ZNF750: variants seen among roughly 807,000 people sequenced by gnomAD.
ZNF750 encodes protein ZNF750.
In ZNF750, 10 loss-of-function variants were observed where a neutral mutation model predicts 31.6. The observed-to-expected ratio is 0.32, with a 90% CI of 0.19 to 0.54. ZNF750 has a LOEUF of 0.54. ZNF750 is among the 20% of genes least tolerant of loss of function. ZNF750 has a pLI of 0.95. For missense variants in ZNF750, 914 were observed against 934.9 expected (o/e 0.98, Z 0.29); for synonymous variants, 400 against 404.9 (o/e 0.99, Z 0.15).
Position 82,831,462 on chromosome 17 carries a change from A to T in ZNF750, c.993T>A (p.Tyr331Ter). The T allele has an allele frequency of 6.2e-7, 1 of 1,614,146 alleles. No individual in the cohort carries two copies. The highest frequency in any genetic ancestry group is 8.5e-7 in the Non-Finnish European group (1 of 1,180,020). Residue 331 changes from tyrosine (Y) to a stop codon, truncating the protein, a stop_gained, in exon 2 of 3, where the codon TAT becomes TAA. Coordinates refer to ENST00000269394, the MANE Select transcript of ZNF750 (RefSeq NM_024702.3). LOFTEE classifies it high-confidence loss of function. This position sits in a 1 kb window ranked among gnomAD's most constrained non-coding sequence, Gnocchi z 4.6. Reference sequence around the variant, plus strand: ...CAGTGACAGGTGGGAGTCTGAGACCATAGGAGGAAAATGCAGACTCTGGCC... The same window carrying T: ...CAGTGACAGGTGGGAGTCTGAGACCTTAGGAGGAAAATGCAGACTCTGGCC... ...FYRPESAFSSYGLRLPPVTGL... is the reference protein window; with the variant it reads ...FYRPESAFSS
At position 82,831,927 on chromosome 17, in the gene ZNF750, G is replaced by C. The variant is rs751236472; in HGVS notation, c.528C>G (p.Ala176=). The C allele has an allele frequency of 1.2e-6, 2 of 1,614,188 alleles. No homozygotes were observed. Among genetic ancestry groups the C allele is most frequent in the East Asian group, 4.5e-5 (2 of 44,880 alleles). ...GEHRLKGPDN[A]EAPETLALHN... ...GTAAAGCCAGTGTCTCGGGCGCCTC[G>C]GCGTTGTCTGGCCCCTTGAGTCTGT... is the stretch of plus-strand genomic sequence containing the variant. The change falls in exon 2 of 3, where the codon GCC becomes GCG. Residue 176 remains alanine (A), a synonymous_variant. Transcript: ENST00000269394. The surrounding 1 kb of genome is among the most constrained non-coding windows in gnomAD (Gnocchi z 4.6).
Position 82,830,730 on chromosome 17 carries a change from G to C in ZNF750, c.1584C>G (p.His528Gln), listed in dbSNP as rs1288700479. 1.2e-6 allele frequency: 2 copies of C among 1,614,068 alleles called. No individual in the cohort carries two copies. Among genetic ancestry groups the C allele is most frequent in the Non-Finnish European group, 1.7e-6 (2 of 1,180,024 alleles). ...KKSEINLAAT[H>Q]EPTYQGSPQA... ...GGGGGCTGCCTTGGTACGTGGGTTC[G>C]TGGGTGGCTGCCAGGTTTATCTCTG... The change falls in exon 3 of 3, where the codon CAC (histidine) becomes CAG (glutamine). Residue 528 changes from histidine to glutamine, a missense_variant. Coordinates refer to ENST00000269394, the MANE Select transcript of ZNF750 (RefSeq NM_024702.3).
At position 82,835,485 on chromosome 17, in the gene ZNF750, C is replaced by G. The variant is rs1054185859; in HGVS notation, c.-182-2849G>C. Among the ~76,000 whole-genome samples the G allele has an allele frequency of 2.0e-5, 3 of 152,096 alleles. No individual in the cohort carries two copies. Among genetic ancestry groups the G allele is most frequent in the Non-Finnish European group, 2.9e-5 (2 of 68,022 alleles). ...TTGCCCAGGCTGGAGGGCAGTGGTGCGATCTCGGTTCACTGCAACCTCTGC... is the reference window on the plus strand; with the variant it reads ...TTGCCCAGGCTGGAGGGCAGTGGTGGGATCTCGGTTCACTGCAACCTCTGC... On this transcript the variant is annotated intron_variant, in intron 1 of 2. Coordinates refer to ENST00000269394, the MANE Select transcript of ZNF750 (RefSeq NM_024702.3). The surrounding 1 kb of genome is among the most constrained non-coding windows in gnomAD (Gnocchi z 4.5).
At chr17:82,837,191 C>T (rs1567863314) in intron 1 of ZNF750, among the ~76,000 whole-genome samples, 1 of 152,154 alleles carries the variant, frequency 6.6e-6, no homozygotes, top group Non-Finnish European at 1.5e-5. Context: ...TGATGTCAGC[C>T]TGTGAGTTCT....
rs745594008 is a variant in ZNF750 at position 82,832,274 on chromosome 17, G to T, written c.181C>A (p.Arg61=). The change falls in exon 2 of 3, where the codon CGA becomes AGA. Residue 61 remains arginine (R), a synonymous_variant. Transcript: ENST00000269394. This position sits in a 1 kb window ranked among gnomAD's most constrained non-coding sequence, Gnocchi z 4.9. The part of the protein sequence containing the change: ...NSITLVSEQD[R]VPKCPKSNSL... ...TTAGATTTAGGGCACTTGGGAACTC[G>T]ATCCTGCTCTGATACTAAAGTAATC... 1 of 1,614,238 alleles carries T rather than the reference G, an allele frequency of 6.2e-7. No homozygotes were observed. The highest frequency in any genetic ancestry group is 8.5e-7 in the Non-Finnish European group (1 of 1,180,046).
In ZNF750 at chr17:82,830,008, T is replaced by G; in HGVS notation, c.*134A>C. The stretch of plus-strand genomic sequence containing the variant: ...AATTGGAGGGTTTTTTGTTTGTTTG[T>G]TTGTTTGTTTTTTTGAGAAGCAGCA... On this transcript the variant is annotated 3_prime_UTR_variant, in exon 3 of 3. Coordinates refer to ENST00000269394, the MANE Select transcript of ZNF750 (RefSeq NM_024702.3). 2 of 1,387,392 alleles carry G rather than the reference T, an allele frequency of 1.4e-6. No individual in the cohort carries two copies. The highest frequency in any genetic ancestry group is 2.0e-6 in the Non-Finnish European group (2 of 1,014,254). The allele number at this position is 1,387,392 out of a possible 1,614,324, so 85.9% of individuals were successfully genotyped here.
chr17:82,831,562 G>A lies in ZNF750; in HGVS notation c.893C>T (p.Ser298Phe), dbSNP rs747035190. The A allele has an allele frequency of 6.2e-7, 1 of 1,614,202 alleles. No homozygotes were observed. The highest frequency in any genetic ancestry group is 1.1e-5 in the South Asian group (1 of 91,080). ...CCTGTAGTGATCGTATGTGGCTGGAGATGGAGCCAGGTGCTTAGGGATCGG... is the reference window on the plus strand; with the variant it reads ...CCTGTAGTGATCGTATGTGGCTGGAAATGGAGCCAGGTGCTTAGGGATCGG... ...PGPIPKHLAP[S>F]PATYDHYRFF... Residue 298 changes from serine (S) to phenylalanine (F), a missense_variant, in exon 2 of 3, where the codon TCT becomes TTT. Physicochemically the swap from Ser to Phe is radical, Grantham distance 155 (BLOSUM62 -2). Transcript: ENST00000269394. The surrounding 1 kb of genome is among the most constrained non-coding windows in gnomAD (Gnocchi z 4.6).
Position 82,829,975 on chromosome 17 carries a change from A to G in ZNF750, c.*167T>C. The G allele has an allele frequency of 8.6e-7, 1 of 1,169,450 alleles. No homozygotes were observed. The highest frequency in any genetic ancestry group is 2.6e-5 in the East Asian group (1 of 38,974). 72.4% of individuals were successfully genotyped at this position (1,169,450 alleles called of 1,614,324 possible). A position where few individuals can be genotyped will look rare whatever the true frequency, so the allele number is the denominator to read the frequency against. ...TTTAATATTCATGCTTAATATTTAT[A>G]AAAACTGAATTGGAGGGTTTTTTGT... On this transcript the variant is annotated 3_prime_UTR_variant, in exon 3 of 3. Transcript: ENST00000269394.
chr17:82,832,458 C>A lies in ZNF750; in HGVS notation c.-4G>T. ...TCCGCTCTTTGAGGAGACTCATTTT[C>A]CTCCTTATGCCTTGGACTCTGGCTG... On this transcript the variant is annotated 5_prime_UTR_variant, in exon 2 of 3. Transcript: ENST00000269394. This position sits in a 1 kb window ranked among gnomAD's most constrained non-coding sequence, Gnocchi z 4.9. 1 of 1,607,774 alleles carries A rather than the reference C, an allele frequency of 6.2e-7. No individual in the cohort carries two copies.
At chr17:82,836,151 C>G (rs532511813) in intron 1 of ZNF750, among the ~76,000 whole-genome samples, 1 of 152,382 alleles carries the variant, frequency 6.6e-6, no homozygotes, top group East Asian at 1.9e-4. Context: ...TGGGGCAGAC[C>G]TGCTCTGGGT....
chr17:82,830,869 A>G lies in ZNF750; in HGVS notation c.1445T>C (p.Val482Ala). Residue 482 changes from valine (V) to alanine (A), a missense_variant, in exon 3 of 3, where the codon GTT (valine) becomes GCT (alanine). By Grantham distance (64) the Val-to-Ala change is moderately conservative (BLOSUM62 0). Coordinates refer to ENST00000269394, the MANE Select transcript of ZNF750 (RefSeq NM_024702.3). ...TTAESPVSLN[V>A]VNGDPPAPTG... The stretch of plus-strand genomic sequence containing the variant: ...CGGAGCAGGAGGGTCTCCGTTCACA[A>G]CATTGAGGCTAGAAGAAGCCAAGAA... 1 of 1,612,870 alleles carries G rather than the reference A, an allele frequency of 6.2e-7. No homozygotes were observed. The highest frequency in any genetic ancestry group is 8.5e-7 in the Non-Finnish European group (1 of 1,180,024).
Position 82,831,675 on chromosome 17 carries a change from C to G in ZNF750, c.780G>C (p.Leu260=), listed in dbSNP as rs749599770. ...CACACTCAGGCGAGCTCCCAGCCAGCAGGTAAGGCGAGTAGATGGTGGCCA... is the reference window on the plus strand; with the variant it reads ...CACACTCAGGCGAGCTCCCAGCCAGGAGGTAAGGCGAGTAGATGGTGGCCA... ...HGLATIYSPY[L]LAGSSPECDA... Residue 260 remains leucine (L), a synonymous_variant, in exon 2 of 3, where the codon CTG becomes CTC. Coordinates refer to ENST00000269394, the MANE Select transcript of ZNF750 (RefSeq NM_024702.3). This position sits in a 1 kb window ranked among gnomAD's most constrained non-coding sequence, Gnocchi z 4.6. 3 of 1,614,054 alleles carry G rather than the reference C, an allele frequency of 1.9e-6. No homozygotes were observed. The Admixed American group carries it at 5.0e-5, about 27-fold the overall frequency.
Position 82,831,107 on chromosome 17 carries a change from G to T in ZNF750, c.1348C>A (p.Gln450Lys), listed in dbSNP as rs890916513. Reference sequence around the variant, plus strand: ...ACAGGCCTGAAGGCTGTGAGGCTTTGCTCTGGCGGGTAGAGTCTTCCCAGT... The same window carrying T: ...ACAGGCCTGAAGGCTGTGAGGCTTTTCTCTGGCGGGTAGAGTCTTCCCAGT... The part of the protein sequence containing the change: ...SALGRLYPPE[Q>K]SLTAFRPVKK... Residue 450 changes from glutamine (Q) to lysine (K), a missense_variant, in exon 2 of 3, where the codon CAA becomes AAA. By Grantham distance (53) the Gln-to-Lys change is moderately conservative. This residue lies in a region of ZNF750 where 880 missense variants were observed against 868.9 expected (regional missense o/e 1.01). Transcript: ENST00000269394. The surrounding 1 kb of genome is among the most constrained non-coding windows in gnomAD (Gnocchi z 4.6). 6.2e-7 allele frequency: 1 copy of T among 1,614,192 alleles called. No individual in the cohort carries two copies. Among genetic ancestry groups the T allele is most frequent in the Non-Finnish European group, 8.5e-7 (1 of 1,180,028 alleles).
chr17:82,831,707 GCT>G lies in ZNF750; in HGVS notation c.746_747del (p.Glu249AlafsTer18). 6.2e-7 allele frequency: 1 copy of G among 1,614,180 alleles called. No individual in the cohort carries two copies. The highest frequency in any genetic ancestry group is 1.1e-5 in the South Asian group (1 of 91,084). ...GGCGAGTAGATGGTGGCCAGCCCGT[GCT>G]CTGTGTAAAAGTGAGGCGGGTACTC... Reference protein sequence around the residue: ...IPEYPPHFYTEHGLATIYSPY... With the variant: ...IPEYPPHFYTXHGLATIYSPY... On this transcript the variant is annotated frameshift_variant, in exon 2 of 3. Coordinates refer to ENST00000269394, the MANE Select transcript of ZNF750 (RefSeq NM_024702.3). LOFTEE classifies it high-confidence loss of function. The surrounding 1 kb of genome is among the most constrained non-coding windows in gnomAD (Gnocchi z 4.6).
chr17:82,837,001 G>GTGGTTTT (rs1251593273), intron 1 of ZNF750, among the ~76,000 whole-genome samples: 5 of 152,196 alleles, frequency 3.3e-5, no homozygotes, highest in Non-Finnish European at 5.9e-5. Context: ...GTCTCGGGCA[G>GTGGTTTT]TGGTTTTAGT....
Position 82,835,133 on chromosome 17 carries a change from G to A in ZNF750, c.-182-2497C>T, listed in dbSNP as rs897964620. On this transcript the variant is annotated intron_variant, in intron 1 of 2. Coordinates refer to ENST00000269394, the MANE Select transcript of ZNF750 (RefSeq NM_024702.3). The surrounding 1 kb of genome is among the most constrained non-coding windows in gnomAD (Gnocchi z 4.5). ...CTGCAGTATTTTTTTTAAGGAATGGGCAGATGTGCCCATTCTTGAGTCTGT... is the reference window on the plus strand; with the variant it reads ...CTGCAGTATTTTTTTTAAGGAATGGACAGATGTGCCCATTCTTGAGTCTGT... Among the ~76,000 whole-genome samples the A allele has an allele frequency of 3.3e-5, 5 of 152,168 alleles. No individual in the cohort carries two copies. The highest frequency in any genetic ancestry group is 7.4e-5 in the Non-Finnish European group (5 of 68,026).
At position 82,831,528 on chromosome 17, in the gene ZNF750, C is replaced by G. The variant is rs778751897; in HGVS notation, c.927G>C (p.Gln309His). ...GAATCGGCAGGTTAGAGGGATATTG[C>G]TGGAAAAACCTGTAGTGATCGTATG... is the stretch of plus-strand genomic sequence containing the variant. ...PATYDHYRFF[Q>H]QYPSNLPIPY... The change falls in exon 2 of 3, where the codon CAG (glutamine) becomes CAC (histidine). Residue 309 changes from glutamine (Q) to histidine (H), a missense_variant. Physicochemically the swap from Gln to His is conservative, Grantham distance 24. Transcript: ENST00000269394. The surrounding 1 kb of genome is among the most constrained non-coding windows in gnomAD (Gnocchi z 4.6). 3 of 1,614,086 alleles carry G rather than the reference C, an allele frequency of 1.9e-6. No individual in the cohort carries two copies. The highest frequency in any genetic ancestry group is 1.1e-5 in the South Asian group (1 of 91,078).
chr17:82,832,090 G>A lies in ZNF750; in HGVS notation c.365C>T (p.Thr122Ile). The change falls in exon 2 of 3, where the codon ACC becomes ATC. Residue 122 changes from threonine to isoleucine, a missense_variant. Thr to Ile is a moderately conservative substitution (Grantham distance 89). This residue lies in a region of ZNF750 where 880 missense variants were observed against 868.9 expected (regional missense o/e 1.01). Coordinates refer to ENST00000269394, the MANE Select transcript of ZNF750 (RefSeq NM_024702.3). This position sits in a 1 kb window ranked among gnomAD's most constrained non-coding sequence, Gnocchi z 4.9. ...KENLELQARG[T>I]HRCLGQKPAL... Reference sequence around the variant, plus strand: ...TGGCTTCTGTCCCAGGCACCTGTGGGTTCCCCGGGCTTGCAGCTCCAGGTT... The same window carrying A: ...TGGCTTCTGTCCCAGGCACCTGTGGATTCCCCGGGCTTGCAGCTCCAGGTT... 8 of 1,614,188 alleles carry A rather than the reference G, an allele frequency of 5.0e-6. No homozygotes were observed. Among genetic ancestry groups the A allele is most frequent in the South Asian group, 2.2e-5 (2 of 91,088 alleles).
intron 1 of ZNF750, among the ~76,000 whole-genome samples, chr17:82,836,715 C>CA (rs1336121382): frequency 6.6e-6 from 1 of 151,330 alleles, no homozygotes; most frequent in Non-Finnish European, 1.5e-5. Context: ...AAAACAAAAC[C>CA]AAAAAACAAA....
Sources: allele counts gnomAD v4.1 joint callset (sites outside exome capture counted in the v4.1 genomes callset), GRCh38; gene constraint gnomAD v4.1.1; regional missense constraint gnomAD v4.1.1; non-coding constraint Gnocchi (gnomAD v3.1); transcripts MANE v1.5; gene names NCBI Gene and HGNC (gene_info 2026-07-23, HGNC 2026-07-21).